The following CAMK1D variants were observed in gnomAD, a reference collection of about 807,000 sequenced individuals.
The protein encoded by CAMK1D is calcium/calmodulin dependent protein kinase ID.
In CAMK1D, 9 loss-of-function variants were observed where a neutral mutation model predicts 47.7. The observed-to-expected ratio is 0.19, with a 90% CI of 0.11 to 0.33. The LOEUF is 0.33. CAMK1D is among the 10% of genes least tolerant of loss of function. The probability of loss-of-function intolerance (pLI) is 1.00; values close to 1 mark genes in which losing one functional copy is unlikely to be tolerated. For missense variants in CAMK1D, 291 were observed against 488.7 expected, an observed-to-expected ratio of 0.60 and a Z score of 3.81; for synonymous variants, 184 against 184.9, an observed-to-expected ratio of 0.99 and a Z score of 0.04.
At chr10:12,795,833 A>G (rs74118619) in intron 6 of CAMK1D, among the ~76,000 whole-genome samples, 7,386 of 152,288 alleles carry the variant, frequency 0.049, 611 homozygotes, top group African/African-American at 0.17. Flanking sequence ...TTATCCTGCC[A>G]GGAATCTTGC....
intron 2 of CAMK1D, among the ~76,000 whole-genome samples, chr10:12,553,996 G>A (rs930101016): frequency 1.3e-5 from 2 of 152,184 alleles, no homozygotes; most frequent in African/African-American, 4.8e-5. Flanking sequence ...CATGGCGCCT[G>A]GCACCCAGCA....
rs1424044664 is a variant in CAMK1D, at chr10:12,670,158, G to C, written c.299+3348G>C. 2.9e-5 allele frequency among the ~76,000 whole-genome samples: 4 copies of C among 138,968 alleles called. No homozygotes were observed. The East Asian group carries it at 8.6e-4, about 30-fold the overall frequency. The allele number at this position is 138,968 out of a possible 152,430, so 91.2% of individuals were successfully genotyped here. On this transcript the variant is annotated intron_variant, in intron 3 of 10. Transcript: ENST00000619168. Reference sequence around the variant, plus strand: ...TTTTTTTTTTTTTGGCCAGCGGTATGTGTCAGTTCCTGTTGCTCTACATTC... The same window carrying C: ...TTTTTTTTTTTTTGGCCAGCGGTATCTGTCAGTTCCTGTTGCTCTACATTC...
At chr10:12,677,152 C>G (rs556878677) in intron 3 of CAMK1D, among the ~76,000 whole-genome samples, 5 of 152,238 alleles carry the variant, frequency 3.3e-5, no homozygotes, top group Admixed American at 3.3e-4. Flanking sequence ...GCACAGTTCC[C>G]TGTTTGTGGG....
intron 1 of CAMK1D, among the ~76,000 whole-genome samples, chr10:12,371,110 T>C (rs1167142399): frequency 6.6e-6 from 1 of 152,134 alleles, no homozygotes; most frequent in Non-Finnish European, 1.5e-5. Flanking sequence ...ACAATAACTT[T>C]AGTATAGCCT....
chr10:12,505,397 A>G (rs1015881861), intron 1 of CAMK1D, among the ~76,000 whole-genome samples: 3 of 152,224 alleles, frequency 2.0e-5, no homozygotes, highest in Non-Finnish European at 4.4e-5. Context: ...TTAGGCCTGC[A>G]CTATAATTTT....
chr10:12,621,553 A>G (rs1838998728), intron 2 of CAMK1D, among the ~76,000 whole-genome samples: 1 of 152,188 alleles, frequency 6.6e-6, no homozygotes, highest in African/African-American at 2.4e-5. Context: ...AAATATTGGT[A>G]TAAATGTTTG....
At chr10:12,605,864 C>T (rs965258065) in intron 2 of CAMK1D, among the ~76,000 whole-genome samples, 8 of 152,158 alleles carry the variant, frequency 5.3e-5, no homozygotes, top group Admixed American at 1.3e-4. Flanking sequence ...AGCCTCTCCC[C>T]GGGGCCTGTG....
At chr10:12,625,267 C>T (rs970214078) in intron 2 of CAMK1D, among the ~76,000 whole-genome samples, 6 of 133,474 alleles carry the variant, frequency 4.5e-5, no homozygotes, top group Non-Finnish European at 7.7e-5. Context: ...ACCTGGGAGG[C>T]GGAGGTTGCA....
chr10:12,714,238 C>T (rs927813911), intron 3 of CAMK1D, among the ~76,000 whole-genome samples: 2 of 152,132 alleles, frequency 1.3e-5, no homozygotes, highest in Non-Finnish European at 2.9e-5. Flanking sequence ...TAGGCATAGA[C>T]ATATTATATC....
rs1834648212 is a variant in CAMK1D, at chr10:12,726,569, AGCCAC to A, written c.300-34377_300-34373del. On this transcript the variant is annotated intron_variant, in intron 3 of 10. Transcript: ENST00000619168. ...ATGTCTCAGAAAATAATTCTACAGA[AGCCAC>A]GACCAGGACATGCCATCGTTGTTAT... Among the ~76,000 whole-genome samples the A allele has an allele frequency of 2.0e-5, 3 of 152,250 alleles. No homozygotes were observed. The South Asian group carries it at 6.2e-4, about 32-fold the overall frequency.
At chr10:12,659,072 G>T (rs773409844) in intron 2 of CAMK1D, among the ~76,000 whole-genome samples, 1 of 152,184 alleles carries the variant, frequency 6.6e-6, no homozygotes, top group Non-Finnish European at 1.5e-5. Flanking sequence ...CTGCTGTGGG[G>T]TCGGAGGCCC....
At chr10:12,604,562 G>C (rs952314121) in intron 2 of CAMK1D, among the ~76,000 whole-genome samples, 1 of 152,138 alleles carries the variant, frequency 6.6e-6, no homozygotes, top group African/African-American at 2.4e-5. Context: ...TCAGAAACTT[G>C]AGGGCCACTT....
chr10:12,677,265 A>G (rs1018206363), intron 3 of CAMK1D, among the ~76,000 whole-genome samples: 1 of 152,216 alleles, frequency 6.6e-6, no homozygotes, highest in African/African-American at 2.4e-5. Flanking sequence ...TCCCAATAGA[A>G]AGCCTTCTGT....
intron 1 of CAMK1D, among the ~76,000 whole-genome samples, chr10:12,366,233 T>C (rs1009961240): frequency 1.3e-5 from 2 of 152,252 alleles, no homozygotes; most frequent in Non-Finnish European, 2.9e-5. Context: ...TATTTCAGTG[T>C]TGTTGTATTG....
intron 3 of CAMK1D, among the ~76,000 whole-genome samples, chr10:12,703,405 A>T (rs1833603055): frequency 6.6e-6 from 1 of 152,188 alleles, no homozygotes; most frequent in African/African-American, 2.4e-5. Context: ...CCAGACCCAC[A>T]GGCCATGGGA....
At chr10:12,767,230 T>C (rs936476954) in intron 4 of CAMK1D, among the ~76,000 whole-genome samples, 1 of 152,166 alleles carries the variant, frequency 6.6e-6, no homozygotes, top group East Asian at 1.9e-4. Context: ...CAGGCTGGAG[T>C]GCAGTGGCGC....
intron 3 of CAMK1D, among the ~76,000 whole-genome samples, chr10:12,709,939 T>C (rs1475566199): frequency 1.3e-5 from 2 of 152,160 alleles, no homozygotes; most frequent in Non-Finnish European, 1.5e-5. Context: ...GCCTGCAGTT[T>C]CTTGTTTTTG....
chr10:12,411,098 C>A (rs149969849), intron 1 of CAMK1D, among the ~76,000 whole-genome samples: 1 of 152,158 alleles, frequency 6.6e-6, no homozygotes, highest in Admixed American at 6.5e-5. Flanking sequence ...CCCACCCCAT[C>A]GGCTCCCATC....
rs576671796 is a variant in CAMK1D, at chr10:12,447,339, A to G, written c.92+97429A>G. Among the ~76,000 whole-genome samples the G allele has an allele frequency of 2.0e-5, 3 of 152,300 alleles. No homozygotes were observed. In the South Asian group the frequency reaches 6.2e-4, roughly 32 times the overall value. On this transcript the variant is annotated intron_variant, in intron 1 of 10. Coordinates refer to ENST00000619168, the MANE Select transcript of CAMK1D (RefSeq NM_153498.4). ...AGGGAATAACTGGTAACTTTCTGAT[A>G]TATCATGATGAGAGGCCTCTGCTGG...
Sources: gnomAD v4.1 joint callset for allele counts (sites outside exome capture counted in the v4.1 genomes callset) on GRCh38, gnomAD v4.1.1 for gene constraint, MANE v1.5 for transcripts, NCBI Gene and HGNC (gene_info 2026-07-23, HGNC 2026-07-21) for gene names.